The following CELF2 variants were observed in gnomAD, a reference collection of about 807,000 sequenced individuals.
CELF2 encodes the protein CUGBP Elav-like family member 2.
Under a neutral mutation model 62.6 loss-of-function variants are expected in CELF2, and 8 were observed. That is an observed-to-expected ratio of 0.13 (90% CI 0.07 to 0.23). The LOEUF is 0.23. Ranked by LOEUF, CELF2 falls within the 10% of genes least tolerant of loss-of-function variation. The pLI is 1.00. For synonymous variants in CELF2, 258 were observed against 250.0 expected (o/e 1.03, Z -0.30); for missense variants, 333 against 671.0 (o/e 0.50, Z 5.56).
At position 11,335,378 on chromosome 10, in the gene CELF2, G is replaced by C. The variant is rs2096100064; in HGVS notation, c.*6325G>C. On this transcript the variant is annotated 3_prime_UTR_variant, in exon 13 of 13. Transcript: ENST00000633077. The surrounding 1 kb of genome is among the most constrained non-coding windows in gnomAD (Gnocchi z 5.0). Reference sequence around the variant, plus strand: ...CTCTGACTCAGGCCACCCAGCACCTGGCAGCCTTCCTCTGCGTGCCAGTGA... The same window carrying C: ...CTCTGACTCAGGCCACCCAGCACCTCGCAGCCTTCCTCTGCGTGCCAGTGA... 6.6e-6 allele frequency: 1 copy of C among 152,358 alleles called. No individual in the cohort carries two copies. Among genetic ancestry groups the C allele is most frequent in the African/African-American group, 2.4e-5 (1 of 41,446 alleles). The allele number at this position is 152,358 out of a possible 1,614,324, so 9.4% of individuals were successfully genotyped here.
intron 1 of CELF2, among the ~76,000 whole-genome samples, chr10:10,811,011 T>G (rs779594909): frequency 5.3e-5 from 8 of 152,204 alleles, no homozygotes; most frequent in Non-Finnish European, 1.0e-4. Context: ...TCAGAGAGTA[T>G]GCGCAGAGCC....
intron 1 of CELF2, among the ~76,000 whole-genome samples, chr10:11,150,988 C>A (rs1273013698): frequency 2.0e-5 from 3 of 152,172 alleles, no homozygotes; most frequent in Non-Finnish European, 4.4e-5. Context: ...CTCCCCAACA[C>A]CTTTCAAGAA....
chr10:10,513,736 A>T, the CELF2 span, among the ~76,000 whole-genome samples: 363 of 152,364 alleles, frequency 2.4e-3, 9 homozygotes, highest in South Asian at 0.048. Flanking sequence ...ACTTTTAAAG[A>T]TATAAACTCG....
At chr10:10,773,748 G>A in the CELF2 span, among the ~76,000 whole-genome samples, 1 of 152,170 alleles carries the variant, frequency 6.6e-6, no homozygotes, top group African/African-American at 2.4e-5. Flanking sequence ...CCACAGTTCT[G>A]GGATTTTTTA....
rs1419614364 is a variant in CELF2 at position 11,269,418 on chromosome 10, A to C, written c.619-1248A>C. Among the ~76,000 whole-genome samples the C allele has an allele frequency of 6.6e-6, 1 of 152,218 alleles. No individual in the cohort carries two copies. Among genetic ancestry groups the C allele is most frequent in the African/African-American group, 2.4e-5 (1 of 41,458 alleles). On this transcript the variant is annotated intron_variant, in intron 6 of 12. Coordinates refer to ENST00000633077, the MANE Select transcript of CELF2 (RefSeq NM_001326342.2). This position sits in a 1 kb window ranked among gnomAD's most constrained non-coding sequence, Gnocchi z 4.4. ...CAGTAACTACCCAAGGTGATAAGGA[A>C]AAAAATGCGTTTGTTTTCCAGAAAA...
the CELF2 span, among the ~76,000 whole-genome samples, chr10:10,508,191 C>G: frequency 6.6e-6 from 1 of 151,898 alleles, no homozygotes; most frequent in Non-Finnish European, 1.5e-5. Context: ...AATATTCATG[C>G]TCCTTGCAAT....
rs191078701 is a variant in CELF2 at position 11,100,943 on chromosome 10, G to A, written c.75-64543G>A. Among the ~76,000 whole-genome samples, 138 of 152,318 alleles carry A rather than the reference G, an allele frequency of 9.1e-4. 1 individual carries two copies. Among genetic ancestry groups the A allele is most frequent in the African/African-American group, 3.1e-3 (127 of 41,582 alleles). On this transcript the variant is annotated intron_variant, in intron 1 of 12. Coordinates refer to ENST00000633077, the MANE Select transcript of CELF2 (RefSeq NM_001326342.2). ...CAGATGGCAGCACGTTGAAACACCA[G>A]GCAAAGAGGTGTTTATTCCACTAAA...
the CELF2 span, among the ~76,000 whole-genome samples, chr10:10,471,753 T>C: frequency 1.3e-5 from 2 of 151,880 alleles, no homozygotes; most frequent in African/African-American, 2.4e-5. Context: ...AAGATGTTTA[T>C]GTACATCTTT....
chr10:11,083,192 C>T (rs1203653819), intron 1 of CELF2, among the ~76,000 whole-genome samples: 1 of 152,128 alleles, frequency 6.6e-6, no homozygotes, highest in African/African-American at 2.4e-5. Context: ...TGACAGCTGA[C>T]ACCTCTTTTG....
the CELF2 span, among the ~76,000 whole-genome samples, chr10:10,480,295 C>G: frequency 6.6e-6 from 1 of 152,182 alleles, no homozygotes; most frequent in African/African-American, 2.4e-5. Context: ...ATTAATCCCT[C>G]CAGAGGAGCA....
At chr10:10,654,107 A>G in the CELF2 span, among the ~76,000 whole-genome samples, 3 of 146,810 alleles carry the variant, frequency 2.0e-5, no homozygotes, top group African/African-American at 7.5e-5. Context: ...CAAATAAACT[A>G]GAAAATCTAG....
chr10:10,775,152 C>T, the CELF2 span, among the ~76,000 whole-genome samples: 3 of 152,096 alleles, frequency 2.0e-5, no homozygotes, highest in Admixed American at 2.0e-4. Flanking sequence ...ACCGGGATTA[C>T]AGGCGTGAGC....
the CELF2 span, among the ~76,000 whole-genome samples, chr10:10,780,663 T>C: frequency 6.6e-6 from 1 of 152,180 alleles, no homozygotes; most frequent in Non-Finnish European, 1.5e-5. Context: ...GTATTTTTAA[T>C]AGAGACAGGG....
the CELF2 span, among the ~76,000 whole-genome samples, chr10:10,591,253 T>C: frequency 6.6e-6 from 1 of 152,170 alleles, no homozygotes; most frequent in Non-Finnish European, 1.5e-5. Flanking sequence ...ATTTATAATA[T>C]CAAAAATGAT....
At position 11,191,564 on chromosome 10, in the gene CELF2, G is replaced by T. The variant is rs959423353; in HGVS notation, c.272-25861G>T. ...CAACAGGGACACCACCTTGAAATCT[G>T]AAGTCACTGAGTAGCAGGGGAGGTT... is the stretch of plus-strand genomic sequence containing the variant. On this transcript the variant is annotated intron_variant, in intron 2 of 12. Transcript: ENST00000633077. The surrounding 1 kb of genome is among the most constrained non-coding windows in gnomAD (Gnocchi z 4.1). Among the ~76,000 whole-genome samples the T allele has an allele frequency of 6.6e-6, 1 of 152,126 alleles. No individual in the cohort carries two copies. Among genetic ancestry groups the T allele is most frequent in the Admixed American group, 6.5e-5 (1 of 15,280 alleles).
At chr10:10,863,169 C>T (rs186492061) in intron 1 of CELF2, among the ~76,000 whole-genome samples, 14 of 152,316 alleles carry the variant, frequency 9.2e-5, no homozygotes, top group African/African-American at 3.4e-4. Flanking sequence ...AACCCTACTC[C>T]TCCTCCCAGC....
At chr10:10,628,269 T>TA in the CELF2 span, among the ~76,000 whole-genome samples, 1 of 134,960 alleles carries the variant, frequency 7.4e-6, no homozygotes, top group African/African-American at 2.4e-5. Context: ...AAAAAAATGT[T>TA]ATCAGTATCC....
intron 2 of CELF2, among the ~76,000 whole-genome samples, chr10:11,188,939 T>C (rs76984199): frequency 0.03 from 4,594 of 152,312 alleles, 223 homozygotes; most frequent in African/African-American, 0.1. Flanking sequence ...TCAGACATTG[T>C]AGTTTTTAAT....
At chr10:10,619,086 T>C in the CELF2 span, among the ~76,000 whole-genome samples, 4 of 152,356 alleles carry the variant, frequency 2.6e-5, no homozygotes, top group Non-Finnish European at 4.4e-5. Context: ...AACTTCCATG[T>C]TGAACATGCC....
Sources: gnomAD v4.1 joint callset for allele counts (sites outside exome capture counted in the v4.1 genomes callset) on GRCh38, gnomAD v4.1.1 for gene constraint, Gnocchi (gnomAD v3.1) non-coding constraint, MANE v1.5 for transcripts, NCBI Gene and HGNC (gene_info 2026-07-23, HGNC 2026-07-21) for gene names.